The following NPAS2 variants were observed in gnomAD, a reference collection of about 807,000 sequenced individuals.
The protein encoded by NPAS2 is neuronal PAS domain-containing protein 2.
NPAS2 carries 23 observed loss-of-function variants against 107.5 expected under a neutral mutation model. That is an observed-to-expected ratio of 0.21 (90% CI 0.15 to 0.30). NPAS2 has a LOEUF of 0.30. NPAS2 is among the 10% of genes least tolerant of loss of function. NPAS2 has a pLI of 1.00. For missense variants in NPAS2, 756 were observed against 1,043.3 expected (o/e 0.72, Z 3.79); for synonymous variants, 403 against 417.5 (o/e 0.97, Z 0.42).
chr2:100,865,128 T>C (rs1467718845), intron 1 of NPAS2, among the ~76,000 whole-genome samples: 1 of 152,194 alleles, frequency 6.6e-6, no homozygotes, highest in Admixed American at 6.5e-5. Flanking sequence ...TAGTTTAGAC[T>C]TTATGGATCC....
chr2:100,960,927 G>A (rs1343703185), intron 7 of NPAS2, among the ~76,000 whole-genome samples: 4 of 152,170 alleles, frequency 2.6e-5, no homozygotes, highest in East Asian at 3.9e-4. Context: ...CCCAGTTCCT[G>A]CCATGGGGAA....
In NPAS2 at chr2:100,921,362, A is replaced by G. The variant is rs892069833; in HGVS notation, c.33-3784A>G. Among the ~76,000 whole-genome samples, 11 of 152,210 alleles carry G rather than the reference A, an allele frequency of 7.2e-5. No individual in the cohort carries two copies. In the South Asian group the frequency reaches 1.5e-3, roughly 20 times the overall value. On this transcript the variant is annotated intron_variant, in intron 2 of 20. Coordinates refer to ENST00000335681, the MANE Select transcript of NPAS2 (RefSeq NM_002518.4). The stretch of plus-strand genomic sequence containing the variant: ...AAGCTCTTAACATGGTGCCCGTTAC[A>G]TACATAGTAAGTGCCCAGCAAATAT...
intron 1 of NPAS2, among the ~76,000 whole-genome samples, chr2:100,884,367 ATT>A (rs1558838839): frequency 2.0e-5 from 3 of 152,150 alleles, no homozygotes. Flanking sequence ...AAATTATTGC[ATT>A]TGTTTTTCTA....
At chr2:100,940,893 G>A (rs540364675) in intron 5 of NPAS2, among the ~76,000 whole-genome samples, 40 of 152,338 alleles carry the variant, frequency 2.6e-4, no homozygotes, top group African/African-American at 9.1e-4. Context: ...CCTCGAGGAA[G>A]AGGCGGCTCT....
At chr2:100,840,237 A>G (rs1435716366) in intron 1 of NPAS2, among the ~76,000 whole-genome samples, 1 of 152,102 alleles carries the variant, frequency 6.6e-6, no homozygotes, top group Admixed American at 6.5e-5. Flanking sequence ...AGACTCCTGC[A>G]TGTCTGTTAC....
intron 20 of NPAS2, chr2:100,994,159 G>A (rs770739058): frequency 6.6e-6 from 1 of 152,386 alleles, no homozygotes; most frequent in Non-Finnish European, 1.5e-5. Context: ...CCTCACCCAT[G>A]TGCAGGGTGC....
At chr2:100,860,693 A>G (rs1006554684) in intron 1 of NPAS2, among the ~76,000 whole-genome samples, 27 of 151,880 alleles carry the variant, frequency 1.8e-4, no homozygotes, top group African/African-American at 6.0e-4. Flanking sequence ...GATTTCTTTT[A>G]TTTGGTGGAT....
At chr2:100,878,688 T>C (rs183379621) in intron 1 of NPAS2, 12 of 846,290 alleles carry the variant, frequency 1.4e-5, no homozygotes, top group Admixed American at 1.2e-4. Flanking sequence ...GGCATTGATT[T>C]TGTAGATTCT....
chr2:100,993,880 G>A, intron 20 of NPAS2: 1 of 232,862 alleles, frequency 4.3e-6, no homozygotes, highest in Non-Finnish European at 8.2e-6. Flanking sequence ...ACTTTTCAGT[G>A]TGTTTATAAA....
intron 3 of NPAS2, among the ~76,000 whole-genome samples, chr2:100,930,355 T>G (rs1247450284): frequency 1.3e-5 from 2 of 152,214 alleles, no homozygotes; most frequent in Non-Finnish European, 2.9e-5. Context: ...TTCCAGGCTT[T>G]TATTTGACCA....
At position 100,967,806 on chromosome 2, in the gene NPAS2, CTTTA is replaced by C. The variant is rs145581908; in HGVS notation, c.908-471_908-468del. Among the ~76,000 whole-genome samples the C allele has an allele frequency of 3.9e-5, 6 of 152,276 alleles. No homozygotes were observed. The East Asian group carries it at 1.2e-3, about 29-fold the overall frequency. ...GGGGTGGAGGCATCTGTCCCCGACTCTTTATTTGAGAACTGTGTCGACTGGGCAT... is the reference window on the plus strand; with the variant it reads ...GGGGTGGAGGCATCTGTCCCCGACTCTTTGAGAACTGTGTCGACTGGGCAT... On this transcript the variant is annotated intron_variant, in intron 10 of 20. Transcript: ENST00000335681.
intron 4 of NPAS2, among the ~76,000 whole-genome samples, chr2:100,933,389 C>T (rs1409367481): frequency 1.3e-5 from 2 of 152,204 alleles, no homozygotes; most frequent in East Asian, 1.9e-4. Flanking sequence ...TATGATTATA[C>T]ATTTTTTCCC....
chr2:100,906,589 C>T (rs768056679), intron 2 of NPAS2, among the ~76,000 whole-genome samples: 2 of 152,202 alleles, frequency 1.3e-5, no homozygotes, highest in Non-Finnish European at 2.9e-5. Flanking sequence ...AATACATTTA[C>T]AGGGCAATCT....
rs758959521 is a variant in NPAS2 at position 100,933,011 on chromosome 2, A to G, written c.273+10A>G. 5 of 1,596,912 alleles carry G rather than the reference A, an allele frequency of 3.1e-6. No homozygotes were observed. The highest frequency in any genetic ancestry group is 1.7e-4 in the Middle Eastern group (1 of 6,034). On this transcript the variant is annotated intron_variant, in intron 4 of 20. Coordinates refer to ENST00000335681, the MANE Select transcript of NPAS2 (RefSeq NM_002518.4). ...CCAGCTGATGTTGGAGGTGAAATGC[A>G]CTTTCAAAATAGCTTAAACAGTTGC...
intron 1 of NPAS2, among the ~76,000 whole-genome samples, chr2:100,828,635 C>A (rs1413380884): frequency 6.7e-6 from 1 of 150,312 alleles, no homozygotes; most frequent in African/African-American, 2.5e-5. Context: ...TATCCTAGCC[C>A]CATTTACTGA....
chr2:100,941,745 C>T (rs1212890002), intron 5 of NPAS2, among the ~76,000 whole-genome samples: 6 of 152,084 alleles, frequency 3.9e-5, no homozygotes. Context: ...GCATGAGTCA[C>T]GTGCCTTGGA....
At chr2:100,828,233 C>T (rs1437114835) in intron 1 of NPAS2, among the ~76,000 whole-genome samples, 5 of 151,948 alleles carry the variant, frequency 3.3e-5, no homozygotes, top group Non-Finnish European at 1.5e-5. Flanking sequence ...TGTATTTTGC[C>T]TATTTTTAAA....
chr2:100,876,710 A>C (rs1679992886), intron 1 of NPAS2, among the ~76,000 whole-genome samples: 1 of 152,020 alleles, frequency 6.6e-6, no homozygotes, highest in Non-Finnish European at 1.5e-5. Flanking sequence ...CGTGCATGTT[A>C]TGGTGGCTCA....
intron 7 of NPAS2, among the ~76,000 whole-genome samples, chr2:100,953,683 G>A (rs1422970361): frequency 2.0e-5 from 3 of 152,160 alleles, no homozygotes; most frequent in Non-Finnish European, 4.4e-5. Context: ...TGATGTGTGA[G>A]TGGGAAGTCA....
Sources: gnomAD v4.1 joint callset for allele counts (sites outside exome capture counted in the v4.1 genomes callset) on GRCh38, gnomAD v4.1.1 for gene constraint, MANE v1.5 for transcripts, NCBI Gene and HGNC (gene_info 2026-07-23, HGNC 2026-07-21) for gene names.